The following GALNT13 variants were observed in gnomAD, a reference collection of about 807,000 sequenced individuals.
GALNT13 encodes polypeptide N-acetylgalactosaminyltransferase 13.
A neutral mutation model predicts 64.2 loss-of-function variants in GALNT13; 28 were observed. The ratio of observed to expected loss-of-function variants is 0.44; its 90% CI spans 0.32 to 0.60. The LOEUF is 0.60. Ranked by LOEUF, GALNT13 falls within the 20% of genes least tolerant of loss-of-function variation. GALNT13 has a pLI of 0.05. For synonymous variants in GALNT13, 214 were observed against 224.6 expected (o/e 0.95, Z 0.42); for missense variants, 577 against 669.8 (o/e 0.86, Z 1.53).
intron 4 of GALNT13, among the ~76,000 whole-genome samples, chr2:154,194,077 G>A (rs1409064973): frequency 6.6e-6 from 1 of 152,108 alleles, no homozygotes; most frequent in East Asian, 1.9e-4. Flanking sequence ...TAAAAATCAA[G>A]CTACTTGTGT....
At position 154,201,818 on chromosome 2, in the gene GALNT13, T is replaced by C. The variant is rs113543320; in HGVS notation, c.312-40212T>C. Among the ~76,000 whole-genome samples, 186 of 152,228 alleles carry C rather than the reference T, an allele frequency of 1.2e-3. 1 individual carries two copies. The highest frequency in any genetic ancestry group is 4.2e-3 in the African/African-American group (176 of 41,548). ...AATTGAGCAAGTATGTCCCAAAAGA[T>C]AGATATGTGTCTGGCAGTGCTTGCC... On this transcript the variant is annotated intron_variant, in intron 4 of 12. Transcript: ENST00000392825.
At chr2:154,004,670 G>T (rs1238548471) in intron 3 of GALNT13, among the ~76,000 whole-genome samples, 3 of 152,128 alleles carry the variant, frequency 2.0e-5, no homozygotes, top group Non-Finnish European at 4.4e-5. Flanking sequence ...CATTTCTGAT[G>T]CCACTAGTGT....
the GALNT13 span, among the ~76,000 whole-genome samples, chr2:153,688,399 C>T: frequency 3.9e-5 from 6 of 151,942 alleles, no homozygotes; most frequent in African/African-American, 1.4e-4. Flanking sequence ...CTCTCAATAT[C>T]ACTAAATACT....
chr2:154,008,269 T>A (rs752173176), intron 3 of GALNT13, among the ~76,000 whole-genome samples: 18 of 152,288 alleles, frequency 1.2e-4, no homozygotes, highest in Admixed American at 2.0e-4. Context: ...GTGGTTCTTA[T>A]TATTTCGATT....
chr2:153,457,443 A>G, the GALNT13 span, among the ~76,000 whole-genome samples: 1,384 of 152,300 alleles, frequency 9.1e-3, 12 homozygotes, highest in Non-Finnish European at 0.016. Context: ...TATATGATCA[A>G]TATATAAGGT....
chr2:153,310,397 C>T, the GALNT13 span, among the ~76,000 whole-genome samples: 2 of 152,178 alleles, frequency 1.3e-5, 1 homozygote. Context: ...TGGGTATGAA[C>T]TGCCTGGGTC....
At chr2:153,278,696 GT>G in the GALNT13 span, among the ~76,000 whole-genome samples, 3 of 152,000 alleles carry the variant, frequency 2.0e-5, no homozygotes, top group African/African-American at 7.2e-5. Context: ...TTTCTATTAT[GT>G]TCCATGGGTC....
intron 9 of GALNT13, among the ~76,000 whole-genome samples, chr2:154,360,712 G>A (rs760539773): frequency 3.3e-5 from 5 of 152,064 alleles, no homozygotes; most frequent in Non-Finnish European, 7.4e-5. Flanking sequence ...GAGCACGTAT[G>A]TTGTACCAAG....
the GALNT13 span, among the ~76,000 whole-genome samples, chr2:153,201,891 G>A: frequency 6.0e-5 from 9 of 151,152 alleles, no homozygotes; most frequent in East Asian, 1.9e-4. Context: ...CCAGATCTTC[G>A]TCTCTATACC....
chr2:153,874,356 G>A (rs1167390527), intron 1 of GALNT13, among the ~76,000 whole-genome samples: 2 of 151,662 alleles, frequency 1.3e-5, no homozygotes, highest in Admixed American at 1.3e-4. Context: ...TTAAATAAAT[G>A]CTTTTATTTC....
At chr2:154,135,949 T>TG (rs967970914) in intron 3 of GALNT13, among the ~76,000 whole-genome samples, 1 of 152,020 alleles carries the variant, frequency 6.6e-6, no homozygotes, top group Non-Finnish European at 1.5e-5. Flanking sequence ...GTTTTTGTGG[T>TG]GGGGGGTGGT....
chr2:154,076,216 C>A (rs1019337428), intron 3 of GALNT13, among the ~76,000 whole-genome samples: 1 of 151,742 alleles, frequency 6.6e-6, no homozygotes, highest in Non-Finnish European at 1.5e-5. Flanking sequence ...TGACTCTTAA[C>A]ATTTCTGTGT....
chr2:153,553,739 G>T, the GALNT13 span, among the ~76,000 whole-genome samples: 3 of 152,164 alleles, frequency 2.0e-5, no homozygotes, highest in South Asian at 6.2e-4. Flanking sequence ...AGGAACGAGG[G>T]AACCAGGGCT....
chr2:153,218,972 CAT>C, the GALNT13 span, among the ~76,000 whole-genome samples: 1 of 152,172 alleles, frequency 6.6e-6, no homozygotes, highest in South Asian at 2.1e-4. Flanking sequence ...AAGGTAGTGA[CAT>C]GTTTCACAAC....
chr2:153,194,180 G>A, the GALNT13 span, among the ~76,000 whole-genome samples: 1 of 152,002 alleles, frequency 6.6e-6, no homozygotes, highest in African/African-American at 2.4e-5. Flanking sequence ...TGTTAAATCA[G>A]TTTTTTATGT....
chr2:153,814,632 C>A, the GALNT13 span, among the ~76,000 whole-genome samples: 1 of 152,266 alleles, frequency 6.6e-6, no homozygotes, highest in East Asian at 1.9e-4. Context: ...TTGCAGCTAC[C>A]TTTGGAAACA....
the GALNT13 span, among the ~76,000 whole-genome samples, chr2:153,365,527 G>A: frequency 6.6e-6 from 1 of 151,870 alleles, no homozygotes; most frequent in Non-Finnish European, 1.5e-5. Flanking sequence ...AGTCTACAAG[G>A]GACTTAAGCA....
chr2:153,225,965 A>G, the GALNT13 span, among the ~76,000 whole-genome samples: 1 of 150,588 alleles, frequency 6.6e-6, no homozygotes, highest in African/African-American at 2.4e-5. Context: ...ACAGCATCTC[A>G]CTCTGTTGCC....
chr2:154,090,470 T>G (rs1436636240), intron 3 of GALNT13, among the ~76,000 whole-genome samples: 1 of 152,068 alleles, frequency 6.6e-6, no homozygotes, highest in Non-Finnish European at 1.5e-5. Flanking sequence ...GCCCAAAATA[T>G]CAGCACAAAA....
Sources: allele counts gnomAD v4.1 joint callset (sites outside exome capture counted in the v4.1 genomes callset), GRCh38; gene constraint gnomAD v4.1.1; transcripts MANE v1.5; gene names NCBI Gene and HGNC (gene_info 2026-07-23, HGNC 2026-07-21).